Variants in PRH1 observed in about 807,000 individuals in gnomAD.
PRH1 encodes the protein salivary acidic proline-rich phosphoprotein 1/2.
In PRH1, 7 loss-of-function variants were observed where a neutral mutation model predicts 7.9. The observed-to-expected ratio is 0.89, with a 90% CI of 0.50 to 1.67. The LOEUF is 1.67. PRH1 is among the 40% of genes most tolerant of loss of function. The pLI is 0.00. For missense variants in PRH1, 109 were observed against 223.6 expected, an observed-to-expected ratio of 0.49 and a Z score of 3.27; for synonymous variants, 45 against 80.8, an observed-to-expected ratio of 0.56 and a Z score of 2.38.
At position 11,089,800 on chromosome 12, in the gene PRH1, A is replaced by T. The variant is rs1944820298; in HGVS notation, n.124-42612T>A. Among the ~76,000 whole-genome samples the T allele has an allele frequency of 2.6e-5, 2 of 75,834 alleles. 1 individual carries two copies. Among genetic ancestry groups the T allele is most frequent in the African/African-American group, 7.3e-5 (2 of 27,554 alleles). 49.8% of individuals were successfully genotyped at this position (75,834 alleles called of 152,430 possible). On this transcript the variant is annotated intron_variant and non_coding_transcript_variant, in intron 1 of 4. Coordinates refer to the PRH1 transcript ENST00000541977. ...TTATATGATTTTTCAAACTATTGTA[A>T]TAGGTGCCATCTAATTTTGATGTTC...
intron 1 of PRH1, among the ~76,000 whole-genome samples, chr12:11,053,640 A>C (rs1179901203): frequency 4.6e-5 from 7 of 152,280 alleles, no homozygotes; most frequent in Admixed American, 4.6e-4. Context: ...ATGTATGTAA[A>C]TATTTCAGAA....
chr12:10,997,143 G>C, intron 1 of PRH1: 3 of 1,614,048 alleles, frequency 1.9e-6, no homozygotes, highest in Non-Finnish European at 2.5e-6. Context: ...GATATGATTA[G>C]ACACAGAAAG....
At chr12:11,019,312 A>ATTG (rs1565555600) in intron 1 of PRH1, among the ~76,000 whole-genome samples, 1 of 133,486 alleles carries the variant, frequency 7.5e-6, no homozygotes, top group Admixed American at 7.4e-5. Flanking sequence ...AGTGGCCACC[A>ATTG]GCAAAATCAT....
At chr12:11,098,894 AAT>A (rs532747081) in intron 1 of PRH1, among the ~76,000 whole-genome samples, 74 of 152,316 alleles carry the variant, frequency 4.9e-4, no homozygotes, top group African/African-American at 1.7e-3. Context: ...CAAAATAAAA[AAT>A]GAGTTTCCAA....
chr12:10,938,544 C>A, intron 2 of PRH1: 1 of 1,613,934 alleles, frequency 6.2e-7, no homozygotes, highest in South Asian at 1.1e-5. Context: ...TTGGTGCTGG[C>A]GTCTCCGGAT....
chr12:10,980,002 A>G (rs1466543593), intron 1 of PRH1, among the ~76,000 whole-genome samples: 1 of 152,200 alleles, frequency 6.6e-6, no homozygotes, highest in Non-Finnish European at 1.5e-5. Context: ...AAGATGTCAA[A>G]TATGCTATTA....
At chr12:11,128,977 C>G (rs1297029380) in intron 1 of PRH1, among the ~76,000 whole-genome samples, 1 of 152,080 alleles carries the variant, frequency 6.6e-6, no homozygotes, top group Non-Finnish European at 1.5e-5. Context: ...AGCTGGAGTA[C>G]AGTGGCACAA....
chr12:10,957,858 G>A (rs539661888), intron 2 of PRH1, among the ~76,000 whole-genome samples: 7 of 152,168 alleles, frequency 4.6e-5, no homozygotes, highest in African/African-American at 1.7e-4. Flanking sequence ...AAACCACAAT[G>A]AGATACTATC....
upstream of PRH1, among the ~76,000 whole-genome samples, chr12:10,887,258 A>T (rs1416757322): frequency 6.6e-6 from 1 of 152,156 alleles, no homozygotes; most frequent in Non-Finnish European, 1.5e-5. Flanking sequence ...AACTTCTCTG[A>T]GAGTCAGTGA....
At chr12:11,003,761 T>C (rs1940700718) in intron 1 of PRH1, among the ~76,000 whole-genome samples, 1 of 151,982 alleles carries the variant, frequency 6.6e-6, no homozygotes, top group South Asian at 2.1e-4. Flanking sequence ...TGTGATTATA[T>C]TGAATGTTTT....
intron 1 of PRH1, among the ~76,000 whole-genome samples, chr12:11,126,043 A>C (rs2007667): frequency 1.5e-5 from 2 of 133,632 alleles, no homozygotes; most frequent in Non-Finnish European, 3.2e-5. Flanking sequence ...TTCTGCTTTT[A>C]AAATATTTTC....
At chr12:10,956,387 A>T (rs1937960082) in intron 2 of PRH1, among the ~76,000 whole-genome samples, 1 of 152,014 alleles carries the variant, frequency 6.6e-6, no homozygotes, top group Non-Finnish European at 1.5e-5. Flanking sequence ...CATATTAAAA[A>T]CTCTCAACAA....
intron 2 of PRH1, among the ~76,000 whole-genome samples, chr12:10,917,113 A>G (rs10772389): frequency 0.49 from 74,349 of 151,616 alleles, 20,664 homozygotes; most frequent in East Asian, 0.72. Flanking sequence ...GGTGAGACTC[A>G]TATATACAGA....
At chr12:11,044,180 C>T (rs887267560) in intron 1 of PRH1, among the ~76,000 whole-genome samples, 8 of 152,060 alleles carry the variant, frequency 5.3e-5, no homozygotes, top group Admixed American at 1.3e-4. Flanking sequence ...ATGCCAAGAA[C>T]GTACACTGGA....
intron 1 of PRH1, among the ~76,000 whole-genome samples, chr12:11,033,410 A>G (rs1202560233): frequency 6.6e-6 from 1 of 152,020 alleles, no homozygotes; most frequent in Non-Finnish European, 1.5e-5. Flanking sequence ...ACAAAAAACC[A>G]ACATCAAACG....
chr12:10,922,543 T>C (rs1423712761), intron 2 of PRH1, among the ~76,000 whole-genome samples: 1 of 152,202 alleles, frequency 6.6e-6, no homozygotes, highest in East Asian at 1.9e-4. Flanking sequence ...GGTTTAGGTG[T>C]GTAAATGTTT....
Position 10,909,060 on chromosome 12 carries a change from G to A in PRH1, c.-58-24785C>T, listed in dbSNP as rs1413612804. 5 of 1,613,408 alleles carry A rather than the reference G, an allele frequency of 3.1e-6. No homozygotes were observed. The highest frequency in any genetic ancestry group is 4.2e-6 in the Non-Finnish European group (5 of 1,179,908). On this transcript the variant is annotated intron_variant, in intron 2 of 3. Transcript: ENST00000539853. ...GCTAAAAATCATAATTCTTAATCCT[G>A]TTCCAGACACAAATATGGCTAGATA...
At chr12:11,122,358 C>T (rs796116673) in intron 1 of PRH1, among the ~76,000 whole-genome samples, 1 of 43,288 alleles carries the variant, frequency 2.3e-5, no homozygotes, top group African/African-American at 4.9e-5. Context: ...CACAGCCATC[C>T]ATCAAACCCA....
At chr12:10,969,454 CG>C (rs1224689214) in intron 2 of PRH1, among the ~76,000 whole-genome samples, 1 of 152,110 alleles carries the variant, frequency 6.6e-6, no homozygotes, top group Non-Finnish European at 1.5e-5. Flanking sequence ...GCTGAGGACC[CG>C]CCCTTTTCTG....
Sources: gnomAD v4.1 joint callset for allele counts (sites outside exome capture counted in the v4.1 genomes callset) on GRCh38, gnomAD v4.1.1 for gene constraint, MANE v1.5 for transcripts, NCBI Gene and HGNC (gene_info 2026-07-23, HGNC 2026-07-21) for gene names.